The following DGKG variants were observed in gnomAD, a reference collection of about 807,000 sequenced individuals.
The protein encoded by DGKG is diacylglycerol kinase gamma, also known as DAG kinase gamma.
DGKG carries 78 observed loss-of-function variants against 105.3 expected under a neutral mutation model. The observed-to-expected ratio is 0.74, with a 90% confidence interval of 0.62 to 0.89. The LOEUF (loss-of-function observed/expected upper bound fraction) is 0.89. Ranked by LOEUF, DGKG falls within the 40% of genes least tolerant of loss-of-function variation. The pLI, the probability that DGKG is intolerant of heterozygous loss-of-function variation, is 0.00. For synonymous variants in DGKG, 346 were observed against 367.1 expected, an observed-to-expected ratio of 0.94 and a Z score of 0.66; for missense variants, 958 against 1,020.1, an observed-to-expected ratio of 0.94 and a Z score of 0.83.
chr3:186,168,019 T>A (rs1716636003), intron 22 of DGKG, among the ~76,000 whole-genome samples: 1 of 152,096 alleles, frequency 6.6e-6, no homozygotes, highest in Non-Finnish European at 1.5e-5. Flanking sequence ...CTAAAAGAGG[T>A]CTTCAAGGAT....
chr3:186,315,860 G>A (rs747773981), intron 2 of DGKG, among the ~76,000 whole-genome samples: 36 of 152,130 alleles, frequency 2.4e-4, no homozygotes, highest in Non-Finnish European at 4.7e-4. Context: ...TGTGAGCCAG[G>A]CCTGTGACTG....
At chr3:186,157,562 A>G (rs775589017) in intron 24 of DGKG, among the ~76,000 whole-genome samples, 9 of 152,338 alleles carry the variant, frequency 5.9e-5, no homozygotes, top group Middle Eastern at 3.4e-3. Context: ...GGAAGATCTC[A>G]CCAATAAGGC....
At chr3:186,230,550 AG>A (rs1720102472) in intron 20 of DGKG, among the ~76,000 whole-genome samples, 1 of 152,136 alleles carries the variant, frequency 6.6e-6, no homozygotes, top group South Asian at 2.1e-4. Context: ...GCTAAATGCA[AG>A]CATGGGATGT....
intron 1 of DGKG, among the ~76,000 whole-genome samples, chr3:186,335,550 A>T (rs1047449893): frequency 6.6e-6 from 1 of 152,178 alleles, no homozygotes; most frequent in Non-Finnish European, 1.5e-5. Context: ...ACTCCATTGG[A>T]TGGAAACAAC....
At chr3:186,346,740 A>G (rs1726352565) in intron 1 of DGKG, among the ~76,000 whole-genome samples, 1 of 152,028 alleles carries the variant, frequency 6.6e-6, no homozygotes, top group Non-Finnish European at 1.5e-5. Flanking sequence ...AATGTATCAT[A>G]ATTTTTTTAC....
intron 1 of DGKG, among the ~76,000 whole-genome samples, chr3:186,359,675 A>G (rs1727137724): frequency 6.6e-6 from 1 of 152,172 alleles, no homozygotes. Context: ...ATTTAACACC[A>G]TGCAAAGTAT....
intron 21 of DGKG, among the ~76,000 whole-genome samples, chr3:186,194,551 CCTT>C (rs1718080183): frequency 2.6e-5 from 4 of 152,304 alleles, no homozygotes; most frequent in Admixed American, 2.6e-4. Flanking sequence ...GGAAATTCCC[CCTT>C]CTTCTAACCT....
intron 14 of DGKG, among the ~76,000 whole-genome samples, chr3:186,264,686 A>C (rs1721959417): frequency 6.6e-6 from 1 of 152,240 alleles, no homozygotes; most frequent in South Asian, 2.1e-4. Flanking sequence ...GCTCAGAGGC[A>C]GAGCAGGAGG....
chr3:186,271,190 T>C (rs930453827), intron 11 of DGKG, among the ~76,000 whole-genome samples: 2 of 152,192 alleles, frequency 1.3e-5, no homozygotes, highest in African/African-American at 4.8e-5. Flanking sequence ...GCCCTTCCCC[T>C]GCTAATTTTA....
At chr3:186,180,463 C>A (rs927417709) in intron 22 of DGKG, among the ~76,000 whole-genome samples, 1 of 152,140 alleles carries the variant, frequency 6.6e-6, no homozygotes. Flanking sequence ...ACTTCTGGGG[C>A]TCCCTAGGGG....
At chr3:186,269,924 C>A (rs557826950) in intron 11 of DGKG, among the ~76,000 whole-genome samples, 1 of 152,264 alleles carries the variant, frequency 6.6e-6, no homozygotes, top group South Asian at 2.1e-4. Flanking sequence ...GTCTGGGAGG[C>A]TGAACCCTCA....
intron 20 of DGKG, among the ~76,000 whole-genome samples, chr3:186,223,958 G>A (rs9862171): frequency 1.6e-3 from 247 of 152,296 alleles, no homozygotes; most frequent in Non-Finnish European, 2.8e-3. Context: ...CTGTGTGGTT[G>A]GCAAACTTGT....
chr3:186,214,655 T>A (rs764296472), intron 20 of DGKG, among the ~76,000 whole-genome samples: 1 of 152,218 alleles, frequency 6.6e-6, no homozygotes, highest in Non-Finnish European at 1.5e-5. Flanking sequence ...TTAATTATCT[T>A]GACTGGTCAC....
intron 14 of DGKG, among the ~76,000 whole-genome samples, chr3:186,264,166 G>C (rs6444120): frequency 2.6e-5 from 4 of 152,170 alleles, no homozygotes; most frequent in Non-Finnish European, 5.9e-5. Flanking sequence ...ATATGCATGC[G>C]CCTGTGTGTG....
chr3:186,339,232 A>T (rs1560162811), intron 1 of DGKG, among the ~76,000 whole-genome samples: 1 of 152,180 alleles, frequency 6.6e-6, no homozygotes, highest in Non-Finnish European at 1.5e-5. Context: ...GCAAAGATGA[A>T]TTAGGATTAC....
At chr3:186,197,695 C>T (rs888485480) in intron 21 of DGKG, among the ~76,000 whole-genome samples, 3 of 152,148 alleles carry the variant, frequency 2.0e-5, no homozygotes, top group Non-Finnish European at 2.9e-5. Flanking sequence ...AGGAGAGTAG[C>T]TGAGGGAGAG....
chr3:186,207,764 C>T (rs995016372), intron 21 of DGKG, among the ~76,000 whole-genome samples: 34 of 152,242 alleles, frequency 2.2e-4, no homozygotes, highest in Admixed American at 1.1e-3. Flanking sequence ...TCACCTTCTC[C>T]CCTGCCTGAG....
chr3:186,359,752 T>C (rs920633623), intron 1 of DGKG, among the ~76,000 whole-genome samples: 9 of 152,076 alleles, frequency 5.9e-5, no homozygotes, highest in African/African-American at 2.2e-4. Context: ...TAAAAACAGA[T>C]GGAAAGGAAA....
Position 186,161,184 on chromosome 3 carries a change from G to T in DGKG, c.2277+419C>A, listed in dbSNP as rs954654372. ...GCTACCCTACCAAATTCTAGGTAAG[G>T]TAAGTGTGTAGATTTGGCTTCCACG... On this transcript the variant is annotated intron_variant, in intron 24 of 24. Transcript: ENST00000265022. 8 of 996,492 alleles carry T rather than the reference G, an allele frequency of 8.0e-6. No homozygotes were observed. The East Asian group carries it at 8.8e-4, about 110-fold the overall frequency. The allele number at this position is 996,492 out of a possible 1,614,324, so 61.7% of individuals were successfully genotyped here.
Sources: allele counts gnomAD v4.1 joint callset (sites outside exome capture counted in the v4.1 genomes callset), GRCh38; gene constraint gnomAD v4.1.1; transcripts MANE v1.5; gene names NCBI Gene and HGNC (gene_info 2026-07-23, HGNC 2026-07-21).